The following SOD2 variants were observed in gnomAD, a reference collection of about 807,000 sequenced individuals.
The protein encoded by SOD2 is superoxide dismutase 2, also known as superoxide dismutase [Mn], mitochondrial.
Under a neutral mutation model 27.0 loss-of-function variants are expected in SOD2, and 11 were observed. The ratio of observed to expected loss-of-function variants is 0.41; its 90% CI spans 0.26 to 0.67. The LOEUF (loss-of-function observed/expected upper bound fraction) is 0.67. SOD2 is among the 30% of genes least tolerant of loss of function. SOD2 has a pLI of 0.34. For synonymous variants in SOD2, 105 were observed against 103.0 expected (o/e 1.02, Z -0.12); for missense variants, 250 against 274.5 (o/e 0.91, Z 0.63).
intron 2 of SOD2, among the ~76,000 whole-genome samples, chr6:159,690,185 G>A (rs1438386182): frequency 6.7e-6 from 1 of 150,212 alleles, no homozygotes; most frequent in Non-Finnish European, 1.5e-5. Flanking sequence ...TACTCAGGAG[G>A]CTGAGGCAGG....
intron 1 of SOD2, 110 bp downstream of exon 1, chr6:159,693,035 C>A: frequency 1.4e-6 from 2 of 1,461,166 alleles, no homozygotes; most frequent in Non-Finnish European, 9.1e-7. Context: ...CCTGCAGGTG[C>A]CCCGGTCCCG....
At chr6:159,684,384 G>A (rs187656195) in intron 4 of SOD2, among the ~76,000 whole-genome samples, 13 of 152,150 alleles carry the variant, frequency 8.5e-5, no homozygotes, top group Non-Finnish European at 1.5e-4. Flanking sequence ...TCAGGAGGCC[G>A]AGGCAGGCAG....
rs938393047 is a variant in SOD2 at position 159,692,664 on chromosome 6, T to C, written c.223A>G (p.Lys75Glu). The change falls in exon 2 of 5, where the codon AAG (lysine) becomes GAG (glutamate). Residue 75 changes from lysine (K) to glutamate (E), a missense_variant. Lys to Glu is a moderately conservative substitution (Grantham distance 56). Coordinates refer to ENST00000538183, the MANE Select transcript of SOD2 (RefSeq NM_000636.4). ...TEEKYQEALA[K>E]GDVTAQIALQ... ...CGCCGCTCAGCCTGGAACCTACCCT[T>C]GGCCAACGCCTCCTGGTACTTCTCC... 6.2e-7 allele frequency: 1 copy of C among 1,613,748 alleles called. No homozygotes were observed. The highest frequency in any genetic ancestry group is 1.3e-5 in the African/African-American group (1 of 74,898).
chr6:159,704,950 C>A (rs751345354), intron 1 of SOD2, among the ~76,000 whole-genome samples: 1 of 152,214 alleles, frequency 6.6e-6, no homozygotes, highest in Non-Finnish European at 1.5e-5. Context: ...GATCAGGCAG[C>A]AACATTTGCT....
chr6:159,726,861 T>G (rs1388091233), intron 1 of SOD2: 2 of 1,289,092 alleles, frequency 1.6e-6, no homozygotes, highest in African/African-American at 1.5e-5. Flanking sequence ...CAGGTGAGCT[T>G]CTGCTAAGAG....
chr6:159,741,947 G>A, intron 1 of SOD2: 1 of 649,094 alleles, frequency 1.5e-6, no homozygotes, highest in Non-Finnish European at 2.6e-6. Context: ...GCGAGACTCT[G>A]TCTAAAAAAA....
chr6:159,693,156 C>A lies in SOD2; in HGVS notation c.12G>T (p.Arg4=). Residue 4 remains arginine, a synonymous_variant, in exon 1 of 5, where the codon CGG becomes CGT. Transcript: ENST00000538183. Reference sequence around the variant, plus strand: ...CCCTTTCTTCTCACCCGCACACTGCCCGGCTCAACATGCTGCTAGTGCTGG... The same window carrying A: ...CCCTTTCTTCTCACCCGCACACTGCACGGCTCAACATGCTGCTAGTGCTGG... MLS[R]AVCGTSRQLA... is the part of the protein sequence containing the mutation. 1 of 1,533,788 alleles carries A rather than the reference C, an allele frequency of 6.5e-7. No homozygotes were observed. The highest frequency in any genetic ancestry group is 1.4e-5 in the African/African-American group (1 of 70,992).
Position 159,669,836 on chromosome 6 carries a change from T to G in SOD2, c.*12657A>C, listed in dbSNP as rs1160217182. 2 of 152,222 alleles carry G rather than the reference T, an allele frequency of 1.3e-5. No individual in the cohort carries two copies. Among genetic ancestry groups the G allele is most frequent in the African/African-American group, 4.8e-5 (2 of 41,460 alleles). The allele number at this position is 152,222 out of a possible 1,614,324, so 9.4% of individuals were successfully genotyped here. ...TCTCCATACCTTCACTTTTGGCCTGTCTTTACAGGTGAGGTTTCTTGTAGG... is the reference window on the plus strand; with the variant it reads ...TCTCCATACCTTCACTTTTGGCCTGGCTTTACAGGTGAGGTTTCTTGTAGG... On this transcript the variant is annotated 3_prime_UTR_variant, in exon 5 of 5. Transcript: ENST00000538183.
chr6:159,728,153 C>T (rs1443281356), upstream of SOD2, among the ~76,000 whole-genome samples: 1 of 152,250 alleles, frequency 6.6e-6, no homozygotes, highest in Non-Finnish European at 1.5e-5. Flanking sequence ...TTACTACGTT[C>T]TCTTGTAGAC....
chr6:159,728,839 A>G (rs1322220488), upstream of SOD2, among the ~76,000 whole-genome samples: 2 of 152,238 alleles, frequency 1.3e-5, no homozygotes, highest in Non-Finnish European at 2.9e-5. Flanking sequence ...AGGTATCTTA[A>G]GCAGACACAT....
At position 159,736,381 on chromosome 6, in the gene SOD2, A is replaced by G; in HGVS notation, c.-116+8749T>C. The G allele has an allele frequency of 2.8e-6, 3 of 1,064,328 alleles. No individual in the cohort carries two copies. The South Asian group carries it at 4.2e-5, about 15-fold the overall frequency. The allele number at this position is 1,064,328 out of a possible 1,614,324, so 65.9% of individuals were successfully genotyped here. On this transcript the variant is annotated intron_variant, in intron 1 of 3. Transcript: ENST00000537657. ...GCACTTTAAAAAAAAATAGACTTGAAGGGATTATCGTTGTTTGCTTATTTT... is the reference window on the plus strand; with the variant it reads ...GCACTTTAAAAAAAAATAGACTTGAGGGGATTATCGTTGTTTGCTTATTTT...
rs1289467036 is a variant in SOD2, at chr6:159,674,037, C to A, written c.*8456G>T. 6.6e-6 allele frequency: 1 copy of A among 152,142 alleles called. No individual in the cohort carries two copies. The highest frequency in any genetic ancestry group is 2.4e-5 in the African/African-American group (1 of 41,434). 9.4% of individuals were successfully genotyped at this position (152,142 alleles called of 1,614,324 possible). A position where few individuals can be genotyped will look rare whatever the true frequency, so the allele number is the denominator to read the frequency against. On this transcript the variant is annotated 3_prime_UTR_variant, in exon 5 of 5. Transcript: ENST00000538183. ...CCTGGACACATACACCCTCTCAAAA[C>A]TAAACCAGGAAGAAGTTTAATCCCT...
At chr6:159,702,654 CAAAAAAAAAAAAAAA>C (rs750073120) in intron 1 of SOD2, among the ~76,000 whole-genome samples, 2 of 39,834 alleles carry the variant, frequency 5.0e-5, no homozygotes, top group Admixed American at 6.8e-4. Context: ...TCTATCTCTC[CAAAAAAAAAAAAAAA>C]AAAAAAAAAA....
chr6:159,706,093 G>T (rs1025528383), intron 1 of SOD2, among the ~76,000 whole-genome samples: 17 of 152,180 alleles, frequency 1.1e-4, no homozygotes, highest in African/African-American at 3.9e-4. Flanking sequence ...CACCAGGCCT[G>T]CCCTACAAGA....
intron 1 of SOD2, chr6:159,741,571 G>A (rs537107177): frequency 1.3e-5 from 2 of 152,442 alleles, no homozygotes; most frequent in Admixed American, 1.3e-4. Flanking sequence ...TGAATCTGGG[G>A]TTTGATCTCA....
intron 1 of SOD2, among the ~76,000 whole-genome samples, chr6:159,722,012 C>CTA (rs1276875377): frequency 1.3e-5 from 2 of 151,606 alleles, no homozygotes; most frequent in Non-Finnish European, 2.9e-5. Flanking sequence ...AGCTGGCATC[C>CTA]TATAGTAAAG....
chr6:159,682,892 C>G (rs1334638052), intron 4 of SOD2, among the ~76,000 whole-genome samples: 1 of 152,122 alleles, frequency 6.6e-6, no homozygotes, highest in Non-Finnish European at 1.5e-5. Flanking sequence ...AACAACAGTA[C>G]TTTAATAGCT....
chr6:159,754,196 G>C (rs78601016), intron 1 of SOD2, among the ~76,000 whole-genome samples: 111 of 152,304 alleles, frequency 7.3e-4, no homozygotes, highest in Admixed American at 5.6e-3. Context: ...TTGAAAATTA[G>C]TGTCTCTGGT....
intron 1 of SOD2, among the ~76,000 whole-genome samples, chr6:159,708,418 A>G (rs1777668304): frequency 6.6e-6 from 1 of 152,238 alleles, no homozygotes; most frequent in Non-Finnish European, 1.5e-5. Context: ...AACTTCGGCA[A>G]AGTCTCAGGA....
Sources: allele counts gnomAD v4.1 joint callset (sites outside exome capture counted in the v4.1 genomes callset), GRCh38; gene constraint gnomAD v4.1.1; transcripts MANE v1.5; gene names NCBI Gene and HGNC (gene_info 2026-07-23, HGNC 2026-07-21).